The following PRICKLE2 variants were observed in gnomAD, a reference collection of about 807,000 sequenced individuals.
PRICKLE2 encodes prickle planar cell polarity protein 2, also known as prickle-like protein 2.
A neutral mutation model predicts 81.4 loss-of-function variants in PRICKLE2; 21 were observed. The observed-to-expected ratio is 0.26, with a 90% CI of 0.18 to 0.37. PRICKLE2 has a LOEUF of 0.37. Among genes scored for constraint, PRICKLE2 ranks in the 10% least tolerant of loss-of-function variants. The pLI is 1.00. For missense variants in PRICKLE2, 940 were observed against 1,109.0 expected, an observed-to-expected ratio of 0.85 and a Z score of 2.16; for synonymous variants, 456 against 421.5, an observed-to-expected ratio of 1.08 and a Z score of -1.00.
chr3:64,109,088 G>C (rs979277719), intron 7 of PRICKLE2, among the ~76,000 whole-genome samples: 2 of 152,032 alleles, frequency 1.3e-5, no homozygotes, highest in Admixed American at 6.5e-5. Context: ...CTCTGTTCCT[G>C]TCCACCCAGT....
rs370001319 is a variant in PRICKLE2 at position 64,147,500 on chromosome 3, C to T, written c.990G>A (p.Arg330=). The part of the protein sequence containing the change: ...DSSDSAFQNA[R]AKESRRSAKI... ...TGGCACTGCGCCGGGACTCCTTGGC[C>T]CTGGCGTTCTGGAAGGCGGAATCAG... The change falls in exon 7 of 8, where the codon AGG becomes AGA. Residue 330 remains arginine (R), a synonymous_variant. Transcript: ENST00000638394. This position sits in a 1 kb window ranked among gnomAD's most constrained non-coding sequence, Gnocchi z 5.0. The T allele has an allele frequency of 8.7e-6, 14 of 1,614,128 alleles. No individual in the cohort carries two copies. The highest frequency in any genetic ancestry group is 1.6e-4 in the Middle Eastern group (1 of 6,084).
At chr3:64,252,350 AC>A (rs1274757452) in intron 2 of PRICKLE2, among the ~76,000 whole-genome samples, 1 of 152,126 alleles carries the variant, frequency 6.6e-6, no homozygotes, top group Non-Finnish European at 1.5e-5. Context: ...GACTATGCCC[AC>A]TCAGGTCAAC....
intron 2 of PRICKLE2, among the ~76,000 whole-genome samples, chr3:64,186,009 T>C (rs1053659853): frequency 6.6e-6 from 1 of 152,238 alleles, no homozygotes; most frequent in Non-Finnish European, 1.5e-5. Context: ...TCTAGAGTTT[T>C]ATATAAATGA....
chr3:64,228,660 T>C (rs1426186682), upstream of PRICKLE2, among the ~76,000 whole-genome samples: 1 of 152,034 alleles, frequency 6.6e-6, no homozygotes, highest in South Asian at 2.1e-4. Flanking sequence ...ACAGTGAAAT[T>C]CCACATTCAT....
At chr3:64,108,267 C>G (rs992511868) in intron 7 of PRICKLE2, among the ~76,000 whole-genome samples, 1 of 152,194 alleles carries the variant, frequency 6.6e-6, no homozygotes, top group Non-Finnish European at 1.5e-5. Flanking sequence ...GGGCGCTACA[C>G]AGTTGAAGCC....
At chr3:64,182,912 G>GA (rs2078159913) in intron 2 of PRICKLE2, among the ~76,000 whole-genome samples, 1 of 151,562 alleles carries the variant, frequency 6.6e-6, no homozygotes, top group South Asian at 2.1e-4. Context: ...CAAGAAAACA[G>GA]AAAAAAGCAG....
rs1396255403 is a variant in PRICKLE2, at chr3:64,092,639, T to A, written c.*6412A>T. ...GCCCTAACCAGAACACAGACATGGA[T>A]GTAATTCTCCAGACAGACCACTTAT... On this transcript the variant is annotated 3_prime_UTR_variant, in exon 8 of 8. Coordinates refer to ENST00000638394, the MANE Select transcript of PRICKLE2 (RefSeq NM_198859.4). 6.6e-6 allele frequency: 1 copy of A among 152,216 alleles called. No homozygotes were observed. Among genetic ancestry groups the A allele is most frequent in the Non-Finnish European group, 1.5e-5 (1 of 68,034 alleles). 9.4% of individuals were successfully genotyped at this position (152,216 alleles called of 1,614,324 possible).
At chr3:64,123,675 A>G (rs1385738166) in intron 7 of PRICKLE2, among the ~76,000 whole-genome samples, 3 of 152,154 alleles carry the variant, frequency 2.0e-5, no homozygotes, top group Admixed American at 1.3e-4. Context: ...TATATCTATT[A>G]TGGTCATCTA....
intron 7 of PRICKLE2, among the ~76,000 whole-genome samples, chr3:64,118,334 A>C (rs2076971368): frequency 6.6e-6 from 1 of 152,208 alleles, no homozygotes; most frequent in Non-Finnish European, 1.5e-5. Context: ...CAAAAGCAAA[A>C]ATTGACAAAT....
At chr3:64,258,699 C>T (rs1319210671) in intron 2 of PRICKLE2, among the ~76,000 whole-genome samples, 1 of 150,570 alleles carries the variant, frequency 6.6e-6, no homozygotes, top group East Asian at 1.9e-4. Context: ...TGGCGGGTGC[C>T]TGCAGTCCCA....
chr3:64,228,574 A>ACT (rs1444818211), upstream of PRICKLE2, among the ~76,000 whole-genome samples: 1 of 152,126 alleles, frequency 6.6e-6, no homozygotes, highest in Admixed American at 6.6e-5. Context: ...GGTATTAGAA[A>ACT]AAGTGAGAAA....
At chr3:64,148,795 C>A (rs1454367742) in intron 6 of PRICKLE2, among the ~76,000 whole-genome samples, 1 of 152,158 alleles carries the variant, frequency 6.6e-6, no homozygotes, top group Non-Finnish European at 1.5e-5. Context: ...AAAACAGGCC[C>A]TCAGCAGACA....
At position 64,157,145 on chromosome 3, in the gene PRICKLE2, C is replaced by T; in HGVS notation, c.600+17G>A. Reference sequence around the variant, plus strand: ...AAGGGGTGATGGGCAGGTAAACCTGCTGGAGTTTGCTCTAACCTCATCGCA... The same window carrying T: ...AAGGGGTGATGGGCAGGTAAACCTGTTGGAGTTTGCTCTAACCTCATCGCA... On this transcript the variant is annotated intron_variant, in intron 5 of 7. Transcript: ENST00000638394. The T allele has an allele frequency of 6.2e-7, 1 of 1,612,826 alleles. No individual in the cohort carries two copies. The highest frequency in any genetic ancestry group is 2.2e-5 in the East Asian group (1 of 44,880).
At chr3:64,199,977 G>T (rs1199829803) in intron 1 of PRICKLE2, 1 of 152,140 alleles carries the variant, frequency 6.6e-6, no homozygotes. Flanking sequence ...TAACAGCTTT[G>T]TGAAGATACA....
intron 2 of PRICKLE2, among the ~76,000 whole-genome samples, chr3:64,242,305 T>C (rs2079278543): frequency 6.6e-6 from 1 of 152,230 alleles, no homozygotes; most frequent in South Asian, 2.1e-4. Context: ...TTAACTTACA[T>C]TTCATGAACT....
At chr3:64,176,996 G>T (rs752781057) in intron 2 of PRICKLE2, among the ~76,000 whole-genome samples, 143 of 152,046 alleles carry the variant, frequency 9.4e-4, no homozygotes, top group Admixed American at 2.5e-3. Flanking sequence ...AAGAAGGTTT[G>T]GTTTGGATGA....
intron 2 of PRICKLE2, among the ~76,000 whole-genome samples, chr3:64,184,809 C>A (rs1014676769): frequency 1.3e-5 from 2 of 152,194 alleles, no homozygotes; most frequent in African/African-American, 4.8e-5. Flanking sequence ...ATGGCATATT[C>A]ACCATCCAGA....
Position 64,225,421 on chromosome 3 carries a change from C to A in PRICKLE2, c.-552G>T. 1 of 985,356 alleles carries A rather than the reference C, an allele frequency of 1.0e-6. No homozygotes were observed. The highest frequency in any genetic ancestry group is 1.2e-6 in the Non-Finnish European group (1 of 829,980). The allele number at this position is 985,356 out of a possible 1,614,324, so 61.0% of individuals were successfully genotyped here. ...CTGCTTGGTCAAAAAATAATAATAA[C>A]TCTCGGTGGCGCTGCTGGTGGTGCC... On this transcript the variant is annotated 5_prime_UTR_variant, in exon 1 of 8. Coordinates refer to ENST00000638394, the MANE Select transcript of PRICKLE2 (RefSeq NM_198859.4).
intron 2 of PRICKLE2, among the ~76,000 whole-genome samples, chr3:64,189,613 T>A (rs1452898334): frequency 1.3e-5 from 2 of 152,208 alleles, no homozygotes; most frequent in African/African-American, 2.4e-5. Context: ...ATGATTTCAA[T>A]GGAGAAATAG....
Sources: allele counts gnomAD v4.1 joint callset (sites outside exome capture counted in the v4.1 genomes callset), GRCh38; gene constraint gnomAD v4.1.1; non-coding constraint Gnocchi (gnomAD v3.1); transcripts MANE v1.5; gene names NCBI Gene and HGNC (gene_info 2026-07-23, HGNC 2026-07-21).